Variants in CACNA1B observed in about 807,000 individuals in gnomAD.
CACNA1B encodes the protein calcium voltage-gated channel subunit alpha1 B.
Under a neutral mutation model 247.2 loss-of-function variants are expected in CACNA1B, and 70 were observed. The ratio of observed to expected loss-of-function variants is 0.28; its 90% CI spans 0.23 to 0.35. The LOEUF (loss-of-function observed/expected upper bound fraction) is 0.35, where lower values mean the gene tolerates loss of function less well. CACNA1B is among the 10% of genes least tolerant of loss of function. CACNA1B has a pLI of 1.00. For missense variants in CACNA1B, 2,367 were observed against 3,197.4 expected, an observed-to-expected ratio of 0.74 and a Z score of 6.26; for synonymous variants, 1,231 against 1,294.4, an observed-to-expected ratio of 0.95 and a Z score of 1.05.
At chr9:137,959,223 C>A (rs1957983422) in intron 10 of CACNA1B, among the ~76,000 whole-genome samples, 1 of 152,108 alleles carries the variant, frequency 6.6e-6, no homozygotes, top group African/African-American at 2.4e-5. Flanking sequence ...TAGGCATGCA[C>A]CAACTGCCCA....
At position 138,052,258 on chromosome 9, in the gene CACNA1B, G is replaced by GTGTGTGTGTGCGTGTGTGTT; in HGVS notation, c.3807+75_3807+76insGTGTGCGTGTGTGTTTGTGT. The GTGTGTGTGTGCGTGTGTGTT allele has an allele frequency of 1.2e-6, 1 of 828,066 alleles. No individual in the cohort carries two copies. Among genetic ancestry groups the GTGTGTGTGTGCGTGTGTGTT allele is most frequent in the Non-Finnish European group, 2.0e-6 (1 of 497,014 alleles). 51.3% of individuals were successfully genotyped at this position (828,066 alleles called of 1,614,324 possible). Reference sequence around the variant, plus strand: ...TGCGTGTGTGTGTGTGCGTGTGTGTGTGTGTATGCATGCAGTGCATGAGTG... The same window carrying GTGTGTGTGTGCGTGTGTGTT: ...TGCGTGTGTGTGTGTGCGTGTGTGTGTGTGTGTGTGCGTGTGTGTTTGTGTATGCATGCAGTGCATGAGTG... On this transcript the variant is annotated intron_variant, in intron 25 of 46. Transcript: ENST00000371372. The surrounding 1 kb of genome is among the most constrained non-coding windows in gnomAD (Gnocchi z 5.1).
chr9:138,015,017 G>A (rs1233188043), intron 18 of CACNA1B, among the ~76,000 whole-genome samples: 1 of 152,196 alleles, frequency 6.6e-6, no homozygotes, highest in African/African-American at 2.4e-5. Flanking sequence ...GTTGGCCTGA[G>A]CACCATGCTG....
intron 3 of CACNA1B, among the ~76,000 whole-genome samples, chr9:137,904,850 TGG>T (rs1564883130): frequency 6.6e-6 from 1 of 152,206 alleles, no homozygotes; most frequent in Non-Finnish European, 1.5e-5. Context: ...CCTACTATGT[TGG>T]TGAGAACTCT....
chr9:138,006,355 C>T (rs2133412420), intron 15 of CACNA1B, among the ~76,000 whole-genome samples: 1 of 152,352 alleles, frequency 6.6e-6, no homozygotes, highest in East Asian at 1.9e-4. Flanking sequence ...GGCTCTGCTT[C>T]TGCTGGGTGG....
chr9:138,097,835 G>A (rs1332126713), intron 37 of CACNA1B, among the ~76,000 whole-genome samples: 1 of 152,236 alleles, frequency 6.6e-6, no homozygotes, highest in African/African-American at 2.4e-5. Flanking sequence ...TTAAACTGCA[G>A]CTCAGCAGAG....
At position 138,043,857 on chromosome 9, in the gene CACNA1B, A is replaced by T; in HGVS notation, c.3370A>T (p.Ile1124Phe). ...DDVMRSGPRP[I>F]VPYSSMFCLS... ...CGTGATGAGGAGCGGCCCCCGGCCT[A>T]TCGTCCCATACAGCTCCATGTTCTG... Residue 1124 changes from isoleucine (I) to phenylalanine (F), a missense_variant, in exon 21 of 47, where the codon ATC becomes TTC. Around this residue, in one of 12 missense-constraint regions of CACNA1B, gnomAD observed 631 missense variants for 631.1 expected, o/e 1.00. Coordinates refer to ENST00000371372, the MANE Select transcript of CACNA1B (RefSeq NM_000718.4). 6.2e-7 allele frequency: 1 copy of T among 1,613,958 alleles called. No homozygotes were observed. Among genetic ancestry groups the T allele is most frequent in the Non-Finnish European group, 8.5e-7 (1 of 1,179,858 alleles).
intron 6 of CACNA1B, among the ~76,000 whole-genome samples, chr9:137,949,646 C>T (rs944882326): frequency 1.3e-5 from 2 of 152,042 alleles, no homozygotes; most frequent in Admixed American, 6.6e-5. Context: ...GCTGTCCACA[C>T]ATGGAGAGCT....
intron 6 of CACNA1B, among the ~76,000 whole-genome samples, chr9:137,945,701 C>T (rs957413319): frequency 6.6e-6 from 1 of 152,248 alleles, no homozygotes; most frequent in Non-Finnish European, 1.5e-5. Context: ...ACCCTCTAAA[C>T]TTAGGCAACA....
rs554745933 is a variant in CACNA1B at position 138,100,815 on chromosome 9, C to T, written c.5223-1896C>T. 2.6e-5 allele frequency among the ~76,000 whole-genome samples: 4 copies of T among 152,218 alleles called. No homozygotes were observed. The highest frequency in any genetic ancestry group is 2.1e-4 in the South Asian group (1 of 4,818). On this transcript the variant is annotated intron_variant, in intron 37 of 46. Coordinates refer to ENST00000371372, the MANE Select transcript of CACNA1B (RefSeq NM_000718.4). The surrounding 1 kb of genome is among the most constrained non-coding windows in gnomAD (Gnocchi z 4.6). ...CTGACCTGGGAGGCCCAGGGAGCAT[C>T]GTCACTCAGGGAGTGAGAGGAAGAG...
Position 138,057,649 on chromosome 9 carries a change from G to A in CACNA1B, c.3969-83G>A, listed in dbSNP as rs1959560979. The stretch of plus-strand genomic sequence containing the variant: ...GTTGGAGAGGCCATTCTTTCCCCAC[G>A]GAATGGTTTCAACACTCTTGATAGG... On this transcript the variant is annotated intron_variant, in intron 26 of 46. Transcript: ENST00000371372. This position sits in a 1 kb window ranked among gnomAD's most constrained non-coding sequence, Gnocchi z 4.0. 9 of 1,368,086 alleles carry A rather than the reference G, an allele frequency of 6.6e-6. No individual in the cohort carries two copies. Among genetic ancestry groups the A allele is most frequent in the South Asian group, 1.4e-5 (1 of 71,326 alleles). 84.7% of individuals were successfully genotyped at this position (1,368,086 alleles called of 1,614,324 possible).
At chr9:137,965,259 C>T (rs1466728145) in intron 10 of CACNA1B, among the ~76,000 whole-genome samples, 1 of 152,246 alleles carries the variant, frequency 6.6e-6, no homozygotes, top group Non-Finnish European at 1.5e-5. Flanking sequence ...GTTCCCTGAT[C>T]AGTTTGAGCT....
chr9:137,988,085 G>A (rs1958387979), intron 15 of CACNA1B, among the ~76,000 whole-genome samples: 1 of 152,202 alleles, frequency 6.6e-6, no homozygotes, highest in Non-Finnish European at 1.5e-5. Flanking sequence ...TCACAGGCCA[G>A]TGACTTCCAG....
At chr9:137,993,702 A>T (rs1370723736) in intron 15 of CACNA1B, among the ~76,000 whole-genome samples, 2 of 152,230 alleles carry the variant, frequency 1.3e-5, no homozygotes, top group East Asian at 3.8e-4. Context: ...TGAAATGGTA[A>T]TAAAAAAATT....
At position 138,072,627 on chromosome 9, in the gene CACNA1B, G is replaced by C. The variant is rs1390044560; in HGVS notation, c.4675-861G>C. 1.3e-5 allele frequency among the ~76,000 whole-genome samples: 2 copies of C among 152,224 alleles called. No homozygotes were observed. The highest frequency in any genetic ancestry group is 2.9e-5 in the Non-Finnish European group (2 of 68,054). On this transcript the variant is annotated intron_variant, in intron 32 of 46. Transcript: ENST00000371372. This position sits in a 1 kb window ranked among gnomAD's most constrained non-coding sequence, Gnocchi z 4.5. ...GTAGACAGAGGGCAGAAAGCCTCCTGGGTCCACAAGCACCCCCATCTGTGC... is the reference window on the plus strand; with the variant it reads ...GTAGACAGAGGGCAGAAAGCCTCCTCGGTCCACAAGCACCCCCATCTGTGC...
In CACNA1B at chr9:137,891,103, C is replaced by G; in HGVS notation, c.530+8220C>G. On this transcript the variant is annotated intron_variant, in intron 3 of 46. Coordinates refer to ENST00000371372, the MANE Select transcript of CACNA1B (RefSeq NM_000718.4). This position sits in a 1 kb window ranked among gnomAD's most constrained non-coding sequence, Gnocchi z 4.3. ...TGTGCGTGGCCAGGCAGGTTGGGCT[C>G]TCAGGGCGCATGGCTACTTTAAATT... 1 of 152,398 alleles carries G rather than the reference C, an allele frequency of 6.6e-6. No homozygotes were observed. The highest frequency in any genetic ancestry group is 2.1e-4 in the South Asian group (1 of 4,840). 9.4% of individuals were successfully genotyped at this position (152,398 alleles called of 1,614,324 possible). A position where few individuals can be genotyped will look rare whatever the true frequency, so the allele number is the denominator to read the frequency against.
chr9:137,887,365 A>AG (rs1198348198), intron 3 of CACNA1B, among the ~76,000 whole-genome samples: 1 of 151,284 alleles, frequency 6.6e-6, no homozygotes, highest in Non-Finnish European at 1.5e-5. Context: ...CAGGGGCAGG[A>AG]GGGAGATGGA....
Position 138,058,608 on chromosome 9 carries a change from A to C in CACNA1B, c.4348A>C (p.Thr1450Pro), listed in dbSNP as rs1297141731. Residue 1450 changes from threonine (T) to proline (P), a missense_variant, in exon 29 of 47, where the codon ACA becomes CCA. By Grantham distance (38) the Thr-to-Pro change is conservative. Coordinates refer to ENST00000371372, the MANE Select transcript of CACNA1B (RefSeq NM_000718.4). The surrounding 1 kb of genome is among the most constrained non-coding windows in gnomAD (Gnocchi z 4.7). Reference sequence around the variant, plus strand: ...CTTCGCCATCAGCGCCAAACCCCTGACACGGTACATGCCCCAAAACCGGCA... The same window carrying C: ...CTTCGCCATCAGCGCCAAACCCCTGCCACGGTACATGCCCCAAAACCGGCA... ...IDFAISAKPL[T>P]RYMPQNRQSF... The C allele has an allele frequency of 1.1e-5, 18 of 1,613,884 alleles. No individual in the cohort carries two copies. The highest frequency in any genetic ancestry group is 1.5e-5 in the Non-Finnish European group (18 of 1,179,850).
At chr9:138,044,177 C>T (rs564296494) in intron 21 of CACNA1B, among the ~76,000 whole-genome samples, 55 of 152,344 alleles carry the variant, frequency 3.6e-4, no homozygotes, top group African/African-American at 1.2e-3. Context: ...ACAGGGACGC[C>T]GTCTGCCCTG....
At chr9:138,099,809 T>G (rs1036064365) in intron 37 of CACNA1B, among the ~76,000 whole-genome samples, 9 of 152,250 alleles carry the variant, frequency 5.9e-5, no homozygotes, top group African/African-American at 2.2e-4. Flanking sequence ...TTTCCCAGCC[T>G]TCCTATTGTT....
Sources: gnomAD v4.1 joint callset for allele counts (sites outside exome capture counted in the v4.1 genomes callset) on GRCh38, gnomAD v4.1.1 for gene constraint, gnomAD v4.1.1 regional missense constraint, Gnocchi (gnomAD v3.1) non-coding constraint, MANE v1.5 for transcripts, NCBI Gene and HGNC (gene_info 2026-07-23, HGNC 2026-07-21) for gene names.